Variants in PTPN20 observed in about 807,000 individuals in gnomAD.
PTPN20 encodes protein tyrosine phosphatase non-receptor type 20.
Under a neutral mutation model 35.0 loss-of-function variants are expected in PTPN20, and 9 were observed. That is an observed-to-expected ratio of 0.26 (90% CI 0.15 to 0.45). The LOEUF is 0.45. Among genes scored for constraint, PTPN20 ranks in the 20% least tolerant of loss-of-function variants. The pLI, the probability that PTPN20 is intolerant of heterozygous loss-of-function variation, is 1.00. For missense variants in PTPN20, 111 were observed against 312.5 expected, an observed-to-expected ratio of 0.36 and a Z score of 4.86; for synonymous variants, 32 against 100.2, an observed-to-expected ratio of 0.32 and a Z score of 4.06.
intron 7 of PTPN20, chr10:46,981,321 A>G: frequency 6.9e-6 from 1 of 144,124 alleles, no homozygotes. Flanking sequence ...CATAGGTCTC[A>G]TGAACAAAGT....
Position 46,940,999 on chromosome 10 carries a change from C to CT in PTPN20, c.129+282_129+283insT, listed in dbSNP as rs1485259656. Among the ~76,000 whole-genome samples, 980 of 151,704 alleles carry CT rather than the reference C, an allele frequency of 6.5e-3. 7 individuals carry two copies. Among genetic ancestry groups the CT allele is most frequent in the Middle Eastern group, 0.014 (4 of 294 alleles). On this transcript the variant is annotated intron_variant, in intron 3 of 10. Coordinates refer to ENST00000374339, the MANE Select transcript of PTPN20 (RefSeq NM_001042357.5). ...AATAAATGTCACATGAAGTATGAAG[C>CT]ACCTTTAGATGTATTGATTGTGGAC...
At position 47,002,088 on chromosome 10, in the gene PTPN20, T is replaced by C. The variant is rs2060086935; in HGVS notation, c.*1347T>C. 1 of 152,128 alleles carries C rather than the reference T, an allele frequency of 6.6e-6. No individual in the cohort carries two copies. Among genetic ancestry groups the C allele is most frequent in the African/African-American group, 2.4e-5 (1 of 41,456 alleles). The allele number at this position is 152,128 out of a possible 1,614,324, so 9.4% of individuals were successfully genotyped here. The stretch of plus-strand genomic sequence containing the variant: ...TTGGTTGAATAATTAATAATTCTCA[T>C]TGTAAAAATAATTATATGCCAAAAA... On this transcript the variant is annotated 3_prime_UTR_variant, in exon 11 of 11. Transcript: ENST00000374339.
chr10:46,945,393 A>C (rs1286748268), intron 4 of PTPN20, among the ~76,000 whole-genome samples: 1 of 152,120 alleles, frequency 6.6e-6, no homozygotes, highest in Non-Finnish European at 1.5e-5. Context: ...TCCAAGAAAA[A>C]AATTAGAAGG....
chr10:46,941,661 T>C (rs1375166711), intron 3 of PTPN20, among the ~76,000 whole-genome samples: 2 of 149,662 alleles, frequency 1.3e-5, no homozygotes, highest in Non-Finnish European at 2.9e-5. Context: ...CTGAGCACAT[T>C]TTGTGATTTT....
intron 1 of PTPN20, among the ~76,000 whole-genome samples, chr10:46,925,522 CTTTTT>C (rs1271555570): frequency 2.2e-5 from 3 of 134,056 alleles, no homozygotes; most frequent in African/African-American, 8.5e-5. Flanking sequence ...GCTGCTTCCT[CTTTTT>C]TTTTTTTTTT....
rs1555184221 is a variant in PTPN20 at position 46,999,960 on chromosome 10, A to G, written c.1183A>G (p.Met395Val). Residue 395 changes from methionine (M) to valine (V), a missense_variant, in exon 10 of 11, where the codon ATG becomes GTG. Physicochemically the swap from Met to Val is conservative, Grantham distance 21. Transcript: ENST00000374339. The part of the protein sequence containing the change: ...VAQMREQRSG[M>V]VQTKEQYHFC... ...CCAAATGAGAGAACAACGTTCTGGC[A>G]TGGTTCAAACGAAGGTAAGCTTTCA... 4.3e-6 allele frequency: 7 copies of G among 1,613,724 alleles called. No homozygotes were observed. Among genetic ancestry groups the G allele is most frequent in the Non-Finnish European group, 5.1e-6 (6 of 1,179,744 alleles).
chr10:46,932,656 G>A, intron 2 of PTPN20, 123 bp downstream of exon 2: 3 of 1,490,540 alleles, frequency 2.0e-6, no homozygotes, highest in South Asian at 2.3e-5. Flanking sequence ...GATCCTCTGG[G>A]TCTTGGTGGG....
At chr10:46,959,781 C>A (rs2049418172) in intron 5 of PTPN20, among the ~76,000 whole-genome samples, 4 of 129,406 alleles carry the variant, frequency 3.1e-5, no homozygotes, top group Non-Finnish European at 3.3e-5. Context: ...AAACTGTGGA[C>A]CTTTGACAGT....
intron 1 of PTPN20, among the ~76,000 whole-genome samples, chr10:46,918,855 A>G (rs1170504896): frequency 8.2e-6 from 1 of 122,554 alleles, no homozygotes; most frequent in Non-Finnish European, 1.6e-5. Flanking sequence ...TGCCCTATAA[A>G]AGTTAGGCCA....
chr10:46,939,622 T>G (rs1430258880), intron 2 of PTPN20, among the ~76,000 whole-genome samples: 1 of 150,594 alleles, frequency 6.6e-6, no homozygotes, highest in Non-Finnish European at 1.5e-5. Context: ...TTCTCTGGGT[T>G]TCCTCAGTTT....
At chr10:46,925,905 T>A in intron 1 of PTPN20, 1 of 941,056 alleles carries the variant, frequency 1.1e-6, no homozygotes, top group Non-Finnish European at 1.3e-6. Flanking sequence ...TTTAGGCATA[T>A]GTGGACCCAT....
chr10:46,938,976 A>G, intron 2 of PTPN20, among the ~76,000 whole-genome samples: 1 of 151,930 alleles, frequency 6.6e-6, no homozygotes. Context: ...CTTTTTCTGA[A>G]TATATTATTG....
intron 3 of PTPN20, among the ~76,000 whole-genome samples, chr10:46,941,156 G>A (rs1555135237): frequency 6.6e-6 from 1 of 151,164 alleles, no homozygotes; most frequent in South Asian, 2.1e-4. Flanking sequence ...TAGGGTTAGA[G>A]CACAAAAAAA....
At chr10:46,950,794 A>T (rs1459487051) in intron 5 of PTPN20, among the ~76,000 whole-genome samples, 1 of 152,080 alleles carries the variant, frequency 6.6e-6, no homozygotes, top group Non-Finnish European at 1.5e-5. Flanking sequence ...ATACACAAAG[A>T]TATAAAAACA....
chr10:46,929,632 T>C (rs1200807471), intron 1 of PTPN20, among the ~76,000 whole-genome samples: 5 of 150,840 alleles, frequency 3.3e-5, no homozygotes, highest in Non-Finnish European at 5.9e-5. Context: ...TGGCTGGAGA[T>C]TGAAAAGTGA....
intron 9 of PTPN20, among the ~76,000 whole-genome samples, chr10:46,995,917 C>A (rs1035526650): frequency 3.9e-5 from 6 of 152,080 alleles, no homozygotes; most frequent in African/African-American, 7.2e-5. Context: ...CAGGAACTGT[C>A]TTCTCCTCGT....
At chr10:46,995,338 T>C (rs1430465282) in intron 9 of PTPN20, among the ~76,000 whole-genome samples, 3 of 145,928 alleles carry the variant, frequency 2.1e-5, no homozygotes, top group South Asian at 2.2e-4. Context: ...TTTTTCTTTT[T>C]TTTTTTTTTT....
intron 2 of PTPN20, among the ~76,000 whole-genome samples, chr10:46,936,551 C>T (rs1305155015): frequency 6.6e-6 from 1 of 151,548 alleles, no homozygotes; most frequent in African/African-American, 2.4e-5. Flanking sequence ...AAATTGAAAA[C>T]CTTTTGGAAA....
intron 9 of PTPN20, among the ~76,000 whole-genome samples, chr10:46,997,578 C>A (rs1590035230): frequency 6.8e-6 from 1 of 147,848 alleles, no homozygotes; most frequent in Non-Finnish European, 1.5e-5. Context: ...GGAAAGCAAA[C>A]TAAAATTTTA....
Sources: gnomAD v4.1 joint callset for allele counts (sites outside exome capture counted in the v4.1 genomes callset) on GRCh38, gnomAD v4.1.1 for gene constraint, MANE v1.5 for transcripts, NCBI Gene and HGNC (gene_info 2026-07-23, HGNC 2026-07-21) for gene names.